LARGE1: variants seen among roughly 807,000 people sequenced by gnomAD.
LARGE1 encodes LARGE xylosyl- and glucuronyltransferase 1, also known as xylosyl- and glucuronyltransferase LARGE1.
A neutral mutation model predicts 87.6 loss-of-function variants in LARGE1; 43 were observed. The observed-to-expected ratio is 0.49, with a 90% CI of 0.38 to 0.63. The LOEUF (loss-of-function observed/expected upper bound fraction) is 0.63. Ranked by LOEUF, LARGE1 falls within the 30% of genes least tolerant of loss-of-function variation. LARGE1 has a pLI of 0.00. For missense variants in LARGE1, 802 were observed against 1,000.2 expected, an observed-to-expected ratio of 0.80 and a Z score of 2.67; for synonymous variants, 434 against 394.6, an observed-to-expected ratio of 1.10 and a Z score of -1.18.
chr22:33,347,137 T>G (rs1420182350), intron 9 of LARGE1, among the ~76,000 whole-genome samples: 1 of 152,026 alleles, frequency 6.6e-6, no homozygotes, highest in African/African-American at 2.4e-5. Context: ...ATATTGAGTT[T>G]TCTGATTCTC....
intron 4 of LARGE1, among the ~76,000 whole-genome samples, chr22:33,608,818 T>C (rs1602692966): frequency 1.3e-5 from 2 of 152,138 alleles, no homozygotes. Flanking sequence ...GCAAGTCACT[T>C]CATCTCTCAA....
chr22:33,531,924 AAC>A (rs1422011078), intron 6 of LARGE1, among the ~76,000 whole-genome samples: 3 of 152,248 alleles, frequency 2.0e-5, no homozygotes, highest in Admixed American at 6.5e-5. Flanking sequence ...GGTTCCATGC[AAC>A]AGACACTGCA....
intron 1 of LARGE1, among the ~76,000 whole-genome samples, chr22:33,824,480 G>A (rs2062725673): frequency 6.6e-6 from 1 of 152,190 alleles, no homozygotes; most frequent in Non-Finnish European, 1.5e-5. Context: ...CCACCCCCAT[G>A]ATTCAATCAC....
At chr22:33,417,767 G>T (rs577896476) in intron 7 of LARGE1, among the ~76,000 whole-genome samples, 2 of 152,230 alleles carry the variant, frequency 1.3e-5, no homozygotes, top group South Asian at 4.1e-4. Flanking sequence ...TAGGACGGAG[G>T]TCCCCACGCC....
In LARGE1 at chr22:33,509,988, T is replaced by C. The variant is rs78533374; in HGVS notation, c.787+54860A>G. Among the ~76,000 whole-genome samples, 1,462 of 152,260 alleles carry C rather than the reference T, an allele frequency of 9.6e-3. 25 individuals carry two copies. The highest frequency in any genetic ancestry group is 0.033 in the African/African-American group (1,376 of 41,534). On this transcript the variant is annotated intron_variant, in intron 6 of 14. Transcript: ENST00000397394. ...TCTCTGACCTTGCTTTGATCTACAT[T>C]TGAAACCTAAAGAACAAGAATGTGT...
intron 2 of LARGE1, among the ~76,000 whole-genome samples, chr22:33,695,654 TAGTC>T (rs2082220116): frequency 1.3e-5 from 2 of 152,200 alleles, no homozygotes; most frequent in South Asian, 2.1e-4. Context: ...AACAGTAAGA[TAGTC>T]AGCAGCACAT....
chr22:33,318,719 C>G (rs904799183), intron 10 of LARGE1, among the ~76,000 whole-genome samples: 1 of 151,700 alleles, frequency 6.6e-6, no homozygotes, highest in African/African-American at 2.4e-5. Context: ...GCACATTGTG[C>G]ACATGTACCC....
intron 6 of LARGE1, among the ~76,000 whole-genome samples, chr22:33,450,601 TGTTAA>T (rs1278974435): frequency 1.2e-3 from 168 of 141,170 alleles, no homozygotes; most frequent in African/African-American, 4.5e-3. Flanking sequence ...AGCAAGATTC[TGTTAA>T]ATAAATAAAT....
intron 6 of LARGE1, among the ~76,000 whole-genome samples, chr22:33,521,176 G>C (rs2071568400): frequency 6.6e-6 from 1 of 152,214 alleles, no homozygotes; most frequent in Admixed American, 6.5e-5. Context: ...TTCTTAAAAA[G>C]TTTCTCCAAG....
At chr22:33,730,969 A>T (rs1165892911) in intron 2 of LARGE1, among the ~76,000 whole-genome samples, 1 of 148,634 alleles carries the variant, frequency 6.7e-6, no homozygotes, top group Non-Finnish European at 1.5e-5. Context: ...TGCTGGGATT[A>T]CAGGCGTGAA....
intron 2 of LARGE1, among the ~76,000 whole-genome samples, chr22:33,668,863 A>T (rs911542772): frequency 6.6e-6 from 1 of 152,232 alleles, no homozygotes; most frequent in African/African-American, 2.4e-5. Context: ...CTTTGGAAGT[A>T]GTGTAAGTAT....
intron 3 of LARGE1, among the ~76,000 whole-genome samples, chr22:33,634,819 G>A (rs545527981): frequency 6.7e-6 from 1 of 149,556 alleles, no homozygotes; most frequent in South Asian, 2.2e-4. Context: ...AGAAGGATGT[G>A]TGTTTGGAGT....
At chr22:33,468,071 T>C (rs2068688005) in intron 6 of LARGE1, among the ~76,000 whole-genome samples, 1 of 152,212 alleles carries the variant, frequency 6.6e-6, no homozygotes, top group Non-Finnish European at 1.5e-5. Flanking sequence ...CAACCTGTCA[T>C]GTTTCCTAGG....
At chr22:33,902,990 G>C (rs1312324407) in intron 1 of LARGE1, among the ~76,000 whole-genome samples, 2 of 152,142 alleles carry the variant, frequency 1.3e-5, no homozygotes, top group African/African-American at 2.4e-5. Flanking sequence ...AAATTAGCTG[G>C]GCACAGTGGC....
chr22:33,510,074 C>G (rs2070981820), intron 6 of LARGE1, among the ~76,000 whole-genome samples: 1 of 152,122 alleles, frequency 6.6e-6, no homozygotes, highest in Non-Finnish European at 1.5e-5. Flanking sequence ...AGAGAATAAA[C>G]CTGAGAAATG....
chr22:33,664,912 G>C lies in LARGE1; in HGVS notation c.107-14244C>G, dbSNP rs971007039. The stretch of plus-strand genomic sequence containing the variant: ...AAAAAAACTGGTTATCAGACCACAT[G>C]TCTATCCTGTTCGAACCCAGGGCTT... On this transcript the variant is annotated intron_variant, in intron 2 of 14. Transcript: ENST00000397394. 1.7e-4 allele frequency among the ~76,000 whole-genome samples: 26 copies of C among 152,200 alleles called. 1 individual carries two copies. Among genetic ancestry groups the C allele is most frequent in the Non-Finnish European group, 3.1e-4 (21 of 68,006 alleles).
At chr22:33,272,492 T>C (rs184315271), downstream of LARGE1, among the ~76,000 whole-genome samples, 79 of 152,344 alleles carry the variant, frequency 5.2e-4, no homozygotes, top group African/African-American at 1.8e-3. Context: ...CTGAACAAAT[T>C]GGACTTTGAC....
At chr22:33,349,362 A>G (rs1023979691) in intron 9 of LARGE1, among the ~76,000 whole-genome samples, 24 of 152,166 alleles carry the variant, frequency 1.6e-4, no homozygotes, top group African/African-American at 5.8e-4. Context: ...ATAGGTGTTC[A>G]CCATGGAGCC....
At chr22:33,074,389 T>C in the LARGE1 span, among the ~76,000 whole-genome samples, 1 of 152,110 alleles carries the variant, frequency 6.6e-6, no homozygotes, top group Non-Finnish European at 1.5e-5. Context: ...AAAGTCATTG[T>C]TCCGGCTGGG....
Sources: allele counts gnomAD v4.1 joint callset (sites outside exome capture counted in the v4.1 genomes callset), GRCh38; gene constraint gnomAD v4.1.1; transcripts MANE v1.5; gene names NCBI Gene and HGNC (gene_info 2026-07-23, HGNC 2026-07-21).